The following OBSL1 variants were observed in gnomAD, a reference collection of about 807,000 sequenced individuals.
The protein encoded by OBSL1 is obscurin-like protein 1.
A neutral mutation model predicts 172.0 loss-of-function variants in OBSL1; 160 were observed. The observed-to-expected ratio is 0.93, with a 90% CI of 0.82 to 1.06. The LOEUF (loss-of-function observed/expected upper bound fraction) is 1.06, where lower values mean the gene tolerates loss of function less well. OBSL1 is among the 50% of genes least tolerant of loss of function. OBSL1 has a pLI of 0.00. For missense variants in OBSL1, 2,681 were observed against 2,715.4 expected (o/e 0.99, Z 0.28); for synonymous variants, 1,200 against 1,196.3 (o/e 1.00, Z -0.06).
chr2:219,569,896 G>A (rs1401892699), intron 1 of OBSL1, among the ~76,000 whole-genome samples: 1 of 152,208 alleles, frequency 6.6e-6, no homozygotes, highest in Non-Finnish European at 1.5e-5. Flanking sequence ...GGAAGGAGGA[G>A]TAAAATAACA....
chr2:219,551,590 G>C lies in OBSL1; in HGVS notation c.5622C>G (p.Asp1874Glu). ...CGGCCTGGCAGCAGTAAGTGCCTTG[G>C]TCCTCAGGTCGAACGTCATGGATGA... ...SLVIHDVRPEDQGTYCCQAGQ... is the reference protein window; with the variant it reads ...SLVIHDVRPEEQGTYCCQAGQ... The change falls in exon 20 of 21, where the codon GAC (aspartate) becomes GAG (glutamate). Residue 1874 changes from aspartate to glutamate, a missense_variant. Around this residue, in one of 5 missense-constraint regions of OBSL1, gnomAD observed 1,765 missense variants for 1,748.3 expected, o/e 1.01. Coordinates refer to ENST00000404537, the MANE Select transcript of OBSL1 (RefSeq NM_015311.3). The C allele has an allele frequency of 6.2e-7, 1 of 1,609,094 alleles. No homozygotes were observed. Among genetic ancestry groups the C allele is most frequent in the Non-Finnish European group, 8.5e-7 (1 of 1,177,952 alleles).
chr2:219,557,082 A>T (rs1696070564), intron 12 of OBSL1: 1 of 490,216 alleles, frequency 2.0e-6, no homozygotes, highest in East Asian at 3.1e-5. Flanking sequence ...AATGTCACAC[A>T]GCTACTGGGG....
intron 14 of OBSL1, chr2:219,555,521 C>T: frequency 1.8e-6 from 1 of 542,478 alleles, no homozygotes; most frequent in Non-Finnish European, 2.4e-6. Flanking sequence ...CTCAAGGGAT[C>T]CTCCTGCCTT....
chr2:219,556,785 C>A (rs968917492), intron 12 of OBSL1, 62 bp from the exon 13 acceptor site: 13 of 1,485,484 alleles, frequency 8.8e-6, no homozygotes, highest in Admixed American at 8.5e-5. Context: ...CTTTTCATCC[C>A]CTCCTCAGGA....
rs1445348223 is a variant in OBSL1, at chr2:219,551,703, C to G, written c.5509G>C (p.Gly1837Arg). ...CCCTCCCGCAGCCAGCACACGTGGC[C>G]CCCCGAGCGGGACACAGTCACCTCC... Reference protein sequence around the residue: ...VLEVTVSRSGGHVCWLREGAE... With the variant: ...VLEVTVSRSGRHVCWLREGAE... Residue 1837 changes from glycine (G) to arginine (R), a missense_variant, in exon 20 of 21, where the codon GGC becomes CGC. Around this residue, in one of 5 missense-constraint regions of OBSL1, gnomAD observed 1,765 missense variants for 1,748.3 expected, o/e 1.01. Coordinates refer to ENST00000404537, the MANE Select transcript of OBSL1 (RefSeq NM_015311.3). 1 of 1,610,700 alleles carries G rather than the reference C, an allele frequency of 6.2e-7. No individual in the cohort carries two copies. The highest frequency in any genetic ancestry group is 8.5e-7 in the Non-Finnish European group (1 of 1,179,178).
chr2:219,571,175 G>A lies in OBSL1; in HGVS notation c.58C>T (p.Pro20Ser). Residue 20 changes from proline to serine, a missense_variant, in exon 1 of 21, where the codon CCT (proline) becomes TCT (serine). Coordinates refer to ENST00000404537, the MANE Select transcript of OBSL1 (RefSeq NM_015311.3). Reference sequence around the variant, plus strand: ...TCGGCGCCACTTACCACCCGCACAGGCCGCGGGAAGCGCAGGAAGCACGGG... The same window carrying A: ...TCGGCGCCACTTACCACCCGCACAGACCGCGGGAAGCGCAGGAAGCACGGG... ...SPPCFLRFPR[P>S]VRVVSGAEAE... The A allele has an allele frequency of 1.4e-6, 2 of 1,478,978 alleles. No homozygotes were observed. The highest frequency in any genetic ancestry group is 1.3e-5 in the South Asian group (1 of 76,290). The allele number at this position is 1,478,978 out of a possible 1,614,324, so 91.6% of individuals were successfully genotyped here.
At chr2:219,552,468 T>TGGGGCGGGATCTGTTCGAGCC (rs1695695024) in intron 18 of OBSL1, 68 bp downstream of exon 18, 1 of 1,444,512 alleles carries the variant, frequency 6.9e-7, no homozygotes, top group Non-Finnish European at 9.2e-7. Context: ...CTTGTCCCGG[T>TGGGGCGGGATCTGTTCGAGCC]GGGGCGGGAT....
chr2:219,548,110 G>A (rs757450263), downstream of OBSL1: 3 of 1,488,342 alleles, frequency 2.0e-6, no homozygotes, highest in East Asian at 2.4e-5. Context: ...AGGTGGACAT[G>A]AGAGGAGTGG....
At chr2:219,551,988 G>A (rs1263447654) in intron 19 of OBSL1, 124 bp downstream of exon 19, 8 of 1,092,548 alleles carry the variant, frequency 7.3e-6, no homozygotes, top group Non-Finnish European at 5.4e-6. Context: ...ACCCGGCCCA[G>A]GAGAGCCCCT....
Position 219,550,927 on chromosome 2 carries a change from A to C in OBSL1, c.5684-85T>G. The stretch of plus-strand genomic sequence containing the variant: ...CCTGGCAGAGCCTGGACACCAGTAC[A>C]CAAAGAGCTGGGCCCCCAGGTTCTG... On this transcript the variant is annotated intron_variant, in intron 20 of 20. Coordinates refer to ENST00000404537, the MANE Select transcript of OBSL1 (RefSeq NM_015311.3). 3 of 1,564,114 alleles carry C rather than the reference A, an allele frequency of 1.9e-6. No individual in the cohort carries two copies. In the East Asian group the frequency reaches 7.1e-5, roughly 37 times the overall value.
At position 219,552,324 on chromosome 2, in the gene OBSL1, A is replaced by C. The variant is rs1384840465; in HGVS notation, c.5309-108T>G. The stretch of plus-strand genomic sequence containing the variant: ...GGGTCGGTTCGGACGCCGTTAGTGT[A>C]TGCTAGGGTGGGCGGAACAGGGATG... On this transcript the variant is annotated intron_variant, in intron 18 of 20. Transcript: ENST00000404537. 7 of 1,068,664 alleles carry C rather than the reference A, an allele frequency of 6.6e-6. No homozygotes were observed. In the African/African-American group the frequency reaches 9.5e-5, roughly 15 times the overall value. The allele number at this position is 1,068,664 out of a possible 1,614,324, so 66.2% of individuals were successfully genotyped here.
chr2:219,554,632 G>C lies in OBSL1; in HGVS notation c.4718C>G (p.Ala1573Gly). The C allele has an allele frequency of 6.2e-7, 1 of 1,611,688 alleles. No individual in the cohort carries two copies. The highest frequency in any genetic ancestry group is 8.5e-7 in the Non-Finnish European group (1 of 1,179,014). Reference protein sequence around the residue: ...LSQEGVTGEWARGGVQLYPGP... With the variant: ...LSQEGVTGEWGRGGVQLYPGP... ...TGGATACAGCTGTACTCCACCCCGG[G>C]CCCACTCCCCGGTCACACCTTCCTG... The change falls in exon 15 of 21, where the codon GCC becomes GGC. Residue 1573 changes from alanine to glycine, a missense_variant. Physicochemically the swap from Ala to Gly is moderately conservative, Grantham distance 60 (BLOSUM62 0). Around this residue, in one of 5 missense-constraint regions of OBSL1, gnomAD observed 1,765 missense variants for 1,748.3 expected, o/e 1.01. Transcript: ENST00000404537.
chr2:219,547,974 C>T (rs200617980), downstream of OBSL1: 2 of 1,587,866 alleles, frequency 1.3e-6, no homozygotes, highest in Non-Finnish European at 8.5e-7. Flanking sequence ...CCTGTGCCCC[C>T]ACTCTGCTGG....
At position 219,552,981 on chromosome 2, in the gene OBSL1, G is replaced by A. The variant is rs745338222; in HGVS notation, c.5033C>T (p.Ala1678Val). 12 of 1,529,554 alleles carry A rather than the reference G, an allele frequency of 7.8e-6. No individual in the cohort carries two copies. In the South Asian group the frequency reaches 1.4e-4, roughly 18 times the overall value. 94.7% of individuals were successfully genotyped at this position (1,529,554 alleles called of 1,614,324 possible). ...LTPSPRLRLQ[A>V]LGTRRLLQLR... ...CTGGAGAAGGCGGCGCGTGCCGAGG[G>A]CCTGGAGCCGGAGCCGCGGGCTAGG... The change falls in exon 17 of 21, where the codon GCC becomes GTC. Residue 1678 changes from alanine to valine, a missense_variant. Physicochemically the swap from Ala to Val is moderately conservative, Grantham distance 64 (BLOSUM62 0). Coordinates refer to ENST00000404537, the MANE Select transcript of OBSL1 (RefSeq NM_015311.3).
chr2:219,549,672 C>T, downstream of OBSL1: 1 of 1,602,736 alleles, frequency 6.2e-7, no homozygotes, highest in Non-Finnish European at 8.5e-7. Flanking sequence ...GCTTTTAGGG[C>T]AGGATTCTGC....
intron 19 of OBSL1, 85 bp from the exon 20 acceptor site, chr2:219,551,883 C>T: frequency 1.1e-6 from 1 of 923,314 alleles, no homozygotes; most frequent in Non-Finnish European, 1.7e-6. Context: ...CCTGAAGTCT[C>T]CACTCCTGGC....
Position 219,562,433 on chromosome 2 carries a change from ATCG to A in OBSL1, c.2919_2921del (p.Asp974del), listed in dbSNP as rs1169848877. Reference sequence around the variant, plus strand: ...CGGTGACAGTGAAGGAGGCCGACTCATCGTCAATTTCACACAAGTACTCGCCGG... The same window carrying A: ...CGGTGACAGTGAAGGAGGCCGACTCATCAATTTCACACAAGTACTCGCCGG... On this transcript the variant is annotated inframe_deletion, in exon 8 of 21. Transcript: ENST00000404537. 1 of 1,613,914 alleles carries A rather than the reference ATCG, an allele frequency of 6.2e-7. No homozygotes were observed. The highest frequency in any genetic ancestry group is 2.2e-5 in the East Asian group (1 of 44,878).
At position 219,558,437 on chromosome 2, in the gene OBSL1, G is replaced by C. The variant is rs757030529; in HGVS notation, c.3249C>G (p.His1083Gln). Residue 1083 changes from histidine (H) to glutamine (Q), a missense_variant, in exon 10 of 21, where the codon CAC (histidine) becomes CAG (glutamine). His to Gln is a conservative substitution (Grantham distance 24, BLOSUM62 0). Coordinates refer to ENST00000404537, the MANE Select transcript of OBSL1 (RefSeq NM_015311.3). The part of the protein sequence containing the change: ...TVTAPPERIV[H>Q]PAARSLDLHF... ...GCAGATCCAGGGAGCGGGCTGCCGG[G>C]TGCACAATCCTCTCTGGTGGGGCTG... 1 of 1,588,438 alleles carries C rather than the reference G, an allele frequency of 6.3e-7. No homozygotes were observed. Among genetic ancestry groups the C allele is most frequent in the South Asian group, 1.1e-5 (1 of 87,386 alleles).
intron 3 of OBSL1, 48 bp from the exon 4 acceptor site, chr2:219,567,623 G>A (rs1697010694): frequency 1.9e-6 from 3 of 1,592,146 alleles, no homozygotes; most frequent in Non-Finnish European, 2.6e-6. Context: ...GGCCTCCACA[G>A]CCCTTCCACC....
Sources: allele counts gnomAD v4.1 joint callset (sites outside exome capture counted in the v4.1 genomes callset), GRCh38; gene constraint gnomAD v4.1.1; regional missense constraint gnomAD v4.1.1; transcripts MANE v1.5; gene names NCBI Gene and HGNC (gene_info 2026-07-23, HGNC 2026-07-21).